The following CTNNA3 variants were observed in gnomAD, a reference collection of about 807,000 sequenced individuals.
The protein encoded by CTNNA3 is catenin alpha 3, also known as catenin alpha-3.
A neutral mutation model predicts 95.7 loss-of-function variants in CTNNA3; 76 were observed. The ratio of observed to expected loss-of-function variants is 0.79; its 90% CI spans 0.66 to 0.96. The LOEUF (loss-of-function observed/expected upper bound fraction) is 0.96, where lower values mean the gene tolerates loss of function less well. CTNNA3 is among the 40% of genes least tolerant of loss of function. The pLI, the probability that CTNNA3 is intolerant of heterozygous loss-of-function variation, is 0.00. For missense variants in CTNNA3, 1,191 were observed against 1,089.8 expected, an observed-to-expected ratio of 1.09 and a Z score of -1.31; for synonymous variants, 431 against 374.4, an observed-to-expected ratio of 1.15 and a Z score of -1.74.
chr10:67,528,324 C>T (rs113227561), intron 4 of CTNNA3, among the ~76,000 whole-genome samples: 1,612 of 151,704 alleles, frequency 0.011, 41 homozygotes, highest in African/African-American at 0.037. Context: ...TCATCATTAC[C>T]CTGCTTAAAA....
In CTNNA3 at chr10:67,071,508, T is replaced by G. The variant is rs200735796; in HGVS notation, c.1047+108809A>C. The stretch of plus-strand genomic sequence containing the variant: ...TGTACTTAGAGCTCTTTAAAGTTTT[T>G]TTTGTTTGTTTGTTTCTTTGACTTC... On this transcript the variant is annotated intron_variant, in intron 7 of 17. Transcript: ENST00000433211. 2.7e-4 allele frequency among the ~76,000 whole-genome samples: 30 copies of G among 110,128 alleles called. No individual in the cohort carries two copies. In the East Asian group the frequency reaches 6.9e-3, roughly 25 times the overall value. The allele number at this position is 110,128 out of a possible 152,430, so 72.2% of individuals were successfully genotyped here.
intron 10 of CTNNA3, among the ~76,000 whole-genome samples, chr10:66,543,927 A>ATG (rs1407907510): frequency 2.3e-5 from 3 of 128,330 alleles, no homozygotes; most frequent in Non-Finnish European, 4.8e-5. Context: ...ATATATATAT[A>ATG]TATATATATA....
rs552959389 is a variant in CTNNA3 at position 67,166,306 on chromosome 10, C to G, written c.1047+14011G>C. Among the ~76,000 whole-genome samples, 7 of 152,224 alleles carry G rather than the reference C, an allele frequency of 4.6e-5. No homozygotes were observed. The South Asian group carries it at 1.5e-3, about 32-fold the overall frequency. ...TCATTATAACATAAATGCACTCAGA[C>G]AAAACTAAACTCATTAAAATGGAAT... On this transcript the variant is annotated intron_variant, in intron 7 of 17. Transcript: ENST00000433211.
At chr10:66,671,804 C>T (rs1295643381) in intron 9 of CTNNA3, among the ~76,000 whole-genome samples, 3 of 152,140 alleles carry the variant, frequency 2.0e-5, no homozygotes, top group Non-Finnish European at 4.4e-5. Flanking sequence ...CTCTCTATGC[C>T]TCAGCTTCCT....
chr10:67,319,731 A>G (rs1841224885), intron 5 of CTNNA3, among the ~76,000 whole-genome samples: 1 of 151,896 alleles, frequency 6.6e-6, no homozygotes, highest in Non-Finnish European at 1.5e-5. Flanking sequence ...CTCCATCTCT[A>G]ATGAAAATAC....
intron 12 of CTNNA3, among the ~76,000 whole-genome samples, chr10:66,330,966 A>C (rs1477232155): frequency 6.6e-6 from 1 of 152,098 alleles, no homozygotes; most frequent in Non-Finnish European, 1.5e-5. Context: ...TCTGGATATT[A>C]GCCCTTTGTC....
intron 11 of CTNNA3, among the ~76,000 whole-genome samples, chr10:66,472,727 TTA>T (rs1839181691): frequency 6.6e-6 from 1 of 152,002 alleles, no homozygotes; most frequent in Admixed American, 6.6e-5. Flanking sequence ...TTTGAAATAC[TTA>T]CATGAAATAA....
intron 17 of CTNNA3, among the ~76,000 whole-genome samples, chr10:65,945,207 G>C (rs879504835): frequency 2.0e-5 from 3 of 151,784 alleles, no homozygotes; most frequent in Admixed American, 6.6e-5. Flanking sequence ...GAGCATAAAA[G>C]TTACCAAGAG....
chr10:67,023,755 T>C (rs778172970), intron 7 of CTNNA3, among the ~76,000 whole-genome samples: 50 of 152,216 alleles, frequency 3.3e-4, no homozygotes, highest in Non-Finnish European at 8.8e-5. Flanking sequence ...TATAAATTGC[T>C]GAAACATGAA....
chr10:66,010,330 G>T (rs1204336657), intron 15 of CTNNA3, among the ~76,000 whole-genome samples: 4 of 152,068 alleles, frequency 2.6e-5, no homozygotes, highest in Non-Finnish European at 4.4e-5. Flanking sequence ...GTAAGTTAAA[G>T]AATAACTAAA....
At chr10:66,921,686 T>A (rs909882511) in intron 7 of CTNNA3, among the ~76,000 whole-genome samples, 7 of 152,222 alleles carry the variant, frequency 4.6e-5, no homozygotes, top group Non-Finnish European at 1.0e-4. Flanking sequence ...CTAACCATCC[T>A]ATTTAAAACT....
intron 13 of CTNNA3, among the ~76,000 whole-genome samples, chr10:66,185,484 T>A (rs1336703084): frequency 1.3e-5 from 2 of 152,062 alleles, no homozygotes; most frequent in Non-Finnish European, 2.9e-5. Context: ...AAAAAATCTA[T>A]ATAATAATAC....
At chr10:65,944,976 T>C (rs2077493843) in intron 17 of CTNNA3, among the ~76,000 whole-genome samples, 1 of 152,148 alleles carries the variant, frequency 6.6e-6, no homozygotes. Context: ...GGAGATGATG[T>C]ATATAAAACA....
chr10:67,622,526 G>A (rs1260903811), intron 2 of CTNNA3, among the ~76,000 whole-genome samples: 1 of 152,160 alleles, frequency 6.6e-6, no homozygotes, highest in African/African-American at 2.4e-5. Context: ...CTGAGAAGAG[G>A]TGAAGCACAT....
At chr10:67,659,373 AG>A (rs930021708) in intron 1 of CTNNA3, among the ~76,000 whole-genome samples, 7 of 152,236 alleles carry the variant, frequency 4.6e-5, no homozygotes, top group African/African-American at 1.7e-4. Context: ...TCATACTAAA[AG>A]CTCACCACAA....
chr10:66,505,565 G>A (rs900595248), intron 11 of CTNNA3, among the ~76,000 whole-genome samples: 1 of 152,074 alleles, frequency 6.6e-6, no homozygotes, highest in African/African-American at 2.4e-5. Context: ...GGCCTGTCCT[G>A]ACAAGGAAGA....
rs139126427 is a variant in CTNNA3 at position 67,703,125 on chromosome 10, C to A, written c.-1-55611G>T. ...CCAATAACAGGCTCTGAAATTGTGGCAACAATCAATAGCTTACCCACCAAA... is the reference window on the plus strand; with the variant it reads ...CCAATAACAGGCTCTGAAATTGTGGAAACAATCAATAGCTTACCCACCAAA... On this transcript the variant is annotated intron_variant, in intron 1 of 17. Coordinates refer to the CTNNA3 transcript ENST00000684154. Among the ~76,000 whole-genome samples the A allele has an allele frequency of 2.1e-3, 314 of 152,288 alleles. 1 individual carries two copies. Among genetic ancestry groups the A allele is most frequent in the African/African-American group, 7.2e-3 (301 of 41,548 alleles).
rs555220987 is a variant in CTNNA3 at position 66,936,622 on chromosome 10, G to A, written c.1048-161098C>T. Among the ~76,000 whole-genome samples the A allele has an allele frequency of 7.2e-5, 11 of 152,230 alleles. No homozygotes were observed. In the South Asian group the frequency reaches 2.1e-3, roughly 29 times the overall value. ...TCACAGGGTCAGTTTCATGGTTGGA[G>A]TCATCGGACAGATGGACTAGATTGA... On this transcript the variant is annotated intron_variant, in intron 7 of 17. Transcript: ENST00000433211.
At chr10:66,474,359 T>C (rs1473931391) in intron 11 of CTNNA3, among the ~76,000 whole-genome samples, 1 of 152,094 alleles carries the variant, frequency 6.6e-6, no homozygotes, top group Non-Finnish European at 1.5e-5. Context: ...GATTCATTCA[T>C]GATTTTGCAA....
Sources: allele counts gnomAD v4.1 joint callset (sites outside exome capture counted in the v4.1 genomes callset), GRCh38; gene constraint gnomAD v4.1.1; transcripts MANE v1.5; gene names NCBI Gene and HGNC (gene_info 2026-07-23, HGNC 2026-07-21).